The following KIF18A variants were observed in gnomAD, a reference collection of about 807,000 sequenced individuals.
KIF18A encodes kinesin family member 18A.
Under a neutral mutation model 103.3 loss-of-function variants are expected in KIF18A, and 67 were observed. That is an observed-to-expected ratio of 0.65 (90% confidence interval 0.53 to 0.79). The LOEUF (loss-of-function observed/expected upper bound fraction) is 0.79. Ranked by LOEUF, KIF18A falls within the 30% of genes least tolerant of loss-of-function variation. KIF18A has a pLI of 0.00. For synonymous variants in KIF18A, 367 were observed against 355.5 expected, an observed-to-expected ratio of 1.03 and a Z score of -0.36; for missense variants, 1,032 against 1,062.5, an observed-to-expected ratio of 0.97 and a Z score of 0.40.
chr11:28,033,121 GATT>G (rs765426730), intron 15 of KIF18A, among the ~76,000 whole-genome samples: 8 of 151,704 alleles, frequency 5.3e-5, no homozygotes, highest in Non-Finnish European at 7.4e-5. Context: ...CAACATCACT[GATT>G]ATCAGAAAAA....
chr11:28,027,479 C>G (rs1850335990), intron 15 of KIF18A, among the ~76,000 whole-genome samples: 1 of 151,674 alleles, frequency 6.6e-6, no homozygotes, highest in African/African-American at 2.4e-5. Flanking sequence ...AAGTATTAGC[C>G]ATCATCTCAA....
Position 28,097,639 on chromosome 11 carries a change from A to G in KIF18A, c.309T>C (p.Asn103=), listed in dbSNP as rs879057438. The change falls in exon 2 of 17, where the codon AAT becomes AAC. Residue 103 remains asparagine (N), a synonymous_variant. Transcript: ENST00000263181. ...TTKPILRSFL[N]GYNCTVLAYG... The stretch of plus-strand genomic sequence containing the variant: ...AACAAATACCTGTGCAATTATATCC[A>G]TTCAAAAAACTACGAAGAATTGGCT... 1 of 1,603,718 alleles carries G rather than the reference A, an allele frequency of 6.2e-7. No homozygotes were observed. Among genetic ancestry groups the G allele is most frequent in the Non-Finnish European group, 8.5e-7 (1 of 1,170,932 alleles).
intron 14 of KIF18A, among the ~76,000 whole-genome samples, chr11:28,035,878 G>A (rs1002041570): frequency 2.0e-5 from 3 of 151,430 alleles, no homozygotes; most frequent in Admixed American, 6.6e-5. Context: ...TAGAAAGTGT[G>A]AAATTTCCTT....
chr11:28,025,938 CAAAAT>C (rs943347029), intron 15 of KIF18A, among the ~76,000 whole-genome samples: 42 of 151,852 alleles, frequency 2.8e-4, no homozygotes, highest in African/African-American at 9.6e-4. Context: ...TCTTTCAAAA[CAAAAT>C]AAAAGTGTAT....
intron 15 of KIF18A, among the ~76,000 whole-genome samples, chr11:28,031,677 T>TAAA (rs372568437): frequency 7.6e-6 from 1 of 131,088 alleles, no homozygotes; most frequent in African/African-American, 2.8e-5. Context: ...ACTTAAAGCA[T>TAAA]AAAAAAAAAA....
At position 28,094,699 on chromosome 11, in the gene KIF18A, A is replaced by G. The variant is rs1308192717; in HGVS notation, c.427T>C (p.Cys143Arg). 6.2e-7 allele frequency: 1 copy of G among 1,613,016 alleles called. No homozygotes were observed. The highest frequency in any genetic ancestry group is 1.7e-5 in the Admixed American group (1 of 60,020). Residue 143 changes from cysteine (C) to arginine (R), a missense_variant, in exon 3 of 17, where the codon TGC (cysteine) becomes CGC (arginine). Cys to Arg is a radical substitution (Grantham distance 180, BLOSUM62 -3). Coordinates refer to ENST00000263181, the MANE Select transcript of KIF18A (RefSeq NM_031217.4). ...TTCTCTTCTTTAATCTCATCCATGC[A>G]TTTGTAAAGGTGTAACATTGTTAGA... is the stretch of plus-strand genomic sequence containing the variant. Reference protein sequence around the residue: ...MYLTMLHLYKCMDEIKEEKIC... With the variant: ...MYLTMLHLYKRMDEIKEEKIC...
chr11:28,042,695 T>C (rs958084313), intron 13 of KIF18A, among the ~76,000 whole-genome samples: 3 of 151,854 alleles, frequency 2.0e-5, no homozygotes, highest in Non-Finnish European at 4.4e-5. Flanking sequence ...GAAATACCCA[T>C]AGTACAAGGA....
At chr11:28,069,723 C>T (rs756017363) in intron 10 of KIF18A, among the ~76,000 whole-genome samples, 1 of 151,786 alleles carries the variant, frequency 6.6e-6, no homozygotes, top group Non-Finnish European at 1.5e-5. Context: ...AGTACAGTCC[C>T]TTCAGTATGT....
chr11:28,045,154 T>A (rs1363179155), intron 13 of KIF18A, among the ~76,000 whole-genome samples: 1 of 152,062 alleles, frequency 6.6e-6, no homozygotes, highest in Admixed American at 6.6e-5. Flanking sequence ...AAACATAGGA[T>A]AATCTGATGA....
intron 10 of KIF18A, 58 bp from the exon 11 acceptor site, chr11:28,069,481 T>C: frequency 6.7e-7 from 1 of 1,494,426 alleles, no homozygotes; most frequent in South Asian, 1.2e-5. Context: ...ATGTACATGA[T>C]ATTAGTAAAC....
At chr11:28,066,100 A>C (rs1850919720) in intron 11 of KIF18A, among the ~76,000 whole-genome samples, 1 of 152,070 alleles carries the variant, frequency 6.6e-6, no homozygotes, top group Admixed American at 6.6e-5. Context: ...TTCAGTAGTT[A>C]ATTTTAAATG....
intron 14 of KIF18A, 78 bp downstream of exon 14, chr11:28,036,139 G>T (rs920434784): frequency 5.7e-6 from 5 of 884,488 alleles, no homozygotes; most frequent in Non-Finnish European, 8.3e-6. Flanking sequence ...GGCACACTTG[G>T]TTTATGAAAT....
chr11:28,043,709 C>T (rs977598545), intron 13 of KIF18A, among the ~76,000 whole-genome samples: 1 of 149,640 alleles, frequency 6.7e-6, no homozygotes, highest in East Asian at 2.0e-4. Flanking sequence ...AAAACAAAAA[C>T]CAAATCAAAG....
At chr11:28,088,789 C>G in intron 5 of KIF18A, 68 bp from the exon 6 acceptor site, 2 of 1,168,830 alleles carry the variant, frequency 1.7e-6, no homozygotes. Flanking sequence ...GAAATATATA[C>G]TTTAATAGAG....
intron 1 of KIF18A, among the ~76,000 whole-genome samples, chr11:28,104,478 A>G (rs1361502303): frequency 2.0e-5 from 3 of 152,034 alleles, no homozygotes; most frequent in Admixed American, 1.3e-4. Context: ...ACCTCCAGAT[A>G]TTTGCAAATT....
intron 13 of KIF18A, among the ~76,000 whole-genome samples, chr11:28,048,427 C>T (rs1217010047): frequency 6.6e-6 from 1 of 152,006 alleles, no homozygotes; most frequent in Non-Finnish European, 1.5e-5. Flanking sequence ...GACTTAAATT[C>T]ATATTCGTTG....
At chr11:28,091,356 C>T in intron 4 of KIF18A, 53 bp downstream of exon 4, 2 of 955,416 alleles carry the variant, frequency 2.1e-6, no homozygotes, top group East Asian at 2.5e-5. Flanking sequence ...GTGAAAATAG[C>T]TTAATAGTCA....
chr11:28,085,100 C>T (rs1851210474), intron 6 of KIF18A, among the ~76,000 whole-genome samples: 2 of 152,036 alleles, frequency 1.3e-5, no homozygotes, highest in Admixed American at 6.6e-5. Context: ...GAATAACCGG[C>T]GGGTATGGGG....
At chr11:28,069,468 T>G in intron 10 of KIF18A, 45 bp from the exon 11 acceptor site, 2 of 1,553,146 alleles carry the variant, frequency 1.3e-6, no homozygotes, top group Non-Finnish European at 1.8e-6. Flanking sequence ...TTTATGATAT[T>G]TGATGTACAT....
Sources: gnomAD v4.1 joint callset for allele counts (sites outside exome capture counted in the v4.1 genomes callset) on GRCh38, gnomAD v4.1.1 for gene constraint, MANE v1.5 for transcripts, NCBI Gene and HGNC (gene_info 2026-07-23, HGNC 2026-07-21) for gene names.